Variants in CA10 observed in about 807,000 individuals in gnomAD.
CA10 encodes carbonic anhydrase 10 (inactive).
A neutral mutation model predicts 44.2 loss-of-function variants in CA10; 14 were observed. The observed-to-expected ratio is 0.32, with a 90% CI of 0.21 to 0.50. CA10 has a LOEUF of 0.50. Ranked by LOEUF, CA10 falls within the 20% of genes least tolerant of loss-of-function variation. CA10 has a pLI of 0.99. For missense variants in CA10, 350 were observed against 409.7 expected (o/e 0.85, Z 1.26); for synonymous variants, 159 against 141.6 (o/e 1.12, Z -0.87).
At chr17:52,155,220 T>A (rs576709640) in intron 1 of CA10, among the ~76,000 whole-genome samples, 1 of 152,244 alleles carries the variant, frequency 6.6e-6, no homozygotes, top group Non-Finnish European at 1.5e-5. Context: ...TAGCACCCAC[T>A]TAGTGGTCAG....
intron 2 of CA10, among the ~76,000 whole-genome samples, chr17:52,020,692 T>C (rs1778143223): frequency 6.6e-6 from 1 of 152,004 alleles, no homozygotes; most frequent in Admixed American, 6.6e-5. Context: ...GGTACATAAG[T>C]AGGTTTGTTA....
intron 3 of CA10, among the ~76,000 whole-genome samples, chr17:51,868,874 A>G (rs1382385326): frequency 1.3e-5 from 2 of 149,650 alleles, no homozygotes; most frequent in Non-Finnish European, 1.5e-5. Flanking sequence ...GTTAGCTATG[A>G]AGCCAAAAGT....
chr17:52,051,968 G>A lies in CA10; in HGVS notation c.136+20351C>T, dbSNP rs954247567. Among the ~76,000 whole-genome samples, 13 of 152,084 alleles carry A rather than the reference G, an allele frequency of 8.5e-5. No individual in the cohort carries two copies. In the South Asian group the frequency reaches 1.9e-3, roughly 22 times the overall value. On this transcript the variant is annotated intron_variant, in intron 2 of 8. Transcript: ENST00000451037. ...CGGCCATAAAAAAGAACAAGATCAC[G>A]TCCTTTGCAAGGACATAAATGGAGC...
intron 1 of CA10, among the ~76,000 whole-genome samples, chr17:52,120,904 T>C (rs940131185): frequency 2.0e-5 from 3 of 152,190 alleles, no homozygotes; most frequent in Non-Finnish European, 2.9e-5. Context: ...CATATCTAAG[T>C]TTTCCTTGTT....
At chr17:51,916,534 A>G (rs1052657648) in intron 3 of CA10, among the ~76,000 whole-genome samples, 1 of 152,020 alleles carries the variant, frequency 6.6e-6, no homozygotes, top group African/African-American at 2.4e-5. Context: ...TATAAAAGGG[A>G]GTTTCCCTGC....
chr17:51,868,057 AAC>A (rs34631877), intron 3 of CA10, among the ~76,000 whole-genome samples: 23,705 of 144,538 alleles, frequency 0.16, 1,873 homozygotes, highest in South Asian at 0.25. Flanking sequence ...AAGCAGGTGT[AAC>A]ACACACACAC....
intron 2 of CA10, among the ~76,000 whole-genome samples, chr17:52,002,403 T>C (rs1242287772): frequency 1.3e-5 from 2 of 151,768 alleles, no homozygotes; most frequent in Admixed American, 6.6e-5. Flanking sequence ...CAGGTGACTC[T>C]GGGACTACAT....
At chr17:51,856,029 A>G (rs997574409) in intron 3 of CA10, among the ~76,000 whole-genome samples, 10 of 152,168 alleles carry the variant, frequency 6.6e-5, no homozygotes, top group Non-Finnish European at 1.5e-4. Context: ...AGCTCTGAGC[A>G]GGCATGCACC....
At chr17:52,134,579 G>T (rs1989309378) in intron 1 of CA10, among the ~76,000 whole-genome samples, 1 of 152,096 alleles carries the variant, frequency 6.6e-6, no homozygotes, top group Non-Finnish European at 1.5e-5. Context: ...TAGTAATAGT[G>T]GTTCTGCCAA....
At chr17:51,910,705 T>C (rs1981758024) in intron 3 of CA10, among the ~76,000 whole-genome samples, 1 of 152,116 alleles carries the variant, frequency 6.6e-6, no homozygotes, top group Non-Finnish European at 1.5e-5. Context: ...CATCGATTGT[T>C]CAAAGGAAGC....
chr17:51,770,515 C>T (rs1479349308), intron 3 of CA10, among the ~76,000 whole-genome samples: 2 of 152,078 alleles, frequency 1.3e-5, no homozygotes, highest in Non-Finnish European at 2.9e-5. Context: ...TTCCTATGTG[C>T]AAGACCCTGT....
intron 5 of CA10, among the ~76,000 whole-genome samples, chr17:51,649,964 T>A (rs574148466): frequency 7.9e-6 from 1 of 126,290 alleles, no homozygotes; most frequent in African/African-American, 2.8e-5. Context: ...CAACCAACCA[T>A]CCATCCATCC....
chr17:51,922,315 G>T (rs1982264935), intron 3 of CA10, among the ~76,000 whole-genome samples: 1 of 152,186 alleles, frequency 6.6e-6, no homozygotes, highest in Non-Finnish European at 1.5e-5. Flanking sequence ...ATCTACGATA[G>T]TGCTGGCTAG....
intron 3 of CA10, among the ~76,000 whole-genome samples, chr17:51,843,157 T>C (rs1386290154): frequency 6.6e-6 from 1 of 152,204 alleles, no homozygotes; most frequent in East Asian, 1.9e-4. Flanking sequence ...GTGGAAGCAA[T>C]CTGTTTTTGA....
At chr17:51,950,769 C>T (rs1983451517) in intron 2 of CA10, among the ~76,000 whole-genome samples, 2 of 152,076 alleles carry the variant, frequency 1.3e-5, no homozygotes, top group African/African-American at 4.8e-5. Context: ...TTCCCAAGAC[C>T]CTGAATGATA....
At chr17:51,827,361 CACACAT>C (rs1326869624) in intron 3 of CA10, among the ~76,000 whole-genome samples, 3 of 152,028 alleles carry the variant, frequency 2.0e-5, no homozygotes, top group Non-Finnish European at 4.4e-5. Context: ...CACATACACA[CACACAT>C]ACACACACAC....
At chr17:51,867,191 A>G (rs1308359168) in intron 3 of CA10, among the ~76,000 whole-genome samples, 1 of 152,242 alleles carries the variant, frequency 6.6e-6, no homozygotes, top group Non-Finnish European at 1.5e-5. Context: ...GCAGTGATGC[A>G]GAATTGATTA....
At chr17:51,907,351 G>T (rs933239966) in intron 3 of CA10, among the ~76,000 whole-genome samples, 1 of 152,006 alleles carries the variant, frequency 6.6e-6, no homozygotes, top group Non-Finnish European at 1.5e-5. Flanking sequence ...GAAGAGGTTG[G>T]CTCCTCTTCC....
chr17:52,080,125 C>T (rs1283705817), intron 1 of CA10, among the ~76,000 whole-genome samples: 4 of 152,180 alleles, frequency 2.6e-5, no homozygotes, highest in Non-Finnish European at 4.4e-5. Flanking sequence ...GCCCGTATTA[C>T]TTTCATCTAA....
Sources: gnomAD v4.1 joint callset for allele counts (sites outside exome capture counted in the v4.1 genomes callset) on GRCh38, gnomAD v4.1.1 for gene constraint, MANE v1.5 for transcripts, NCBI Gene and HGNC (gene_info 2026-07-23, HGNC 2026-07-21) for gene names.